The following ZDHHC17 variants were observed in gnomAD, a reference collection of about 807,000 sequenced individuals.
The protein encoded by ZDHHC17 is palmitoyltransferase ZDHHC17.
ZDHHC17 carries 40 observed loss-of-function variants against 90.3 expected under a neutral mutation model. That is an observed-to-expected ratio of 0.44 (90% CI 0.34 to 0.58). The LOEUF (loss-of-function observed/expected upper bound fraction) is 0.58. Ranked by LOEUF, ZDHHC17 falls within the 20% of genes least tolerant of loss-of-function variation. The pLI is 0.01. For missense variants in ZDHHC17, 614 were observed against 780.8 expected, an observed-to-expected ratio of 0.79 and a Z score of 2.55; for synonymous variants, 235 against 252.4, an observed-to-expected ratio of 0.93 and a Z score of 0.65.
At chr12:76,764,676 C>A in intron 1 of ZDHHC17, 1 of 513,014 alleles carries the variant, frequency 1.9e-6, no homozygotes, top group Non-Finnish European at 3.8e-6. Flanking sequence ...AGTCTTGCTC[C>A]AAGCCTCTTG....
intron 1 of ZDHHC17, among the ~76,000 whole-genome samples, chr12:76,777,301 G>A (rs1486387785): frequency 6.6e-6 from 1 of 152,126 alleles, no homozygotes; most frequent in East Asian, 1.9e-4. Flanking sequence ...TAACCTTATG[G>A]GATTGGCTTT....
intron 16 of ZDHHC17, 57 bp from the exon 17 acceptor site, chr12:76,850,790 A>G (rs573295369): frequency 6.4e-7 from 1 of 1,552,590 alleles, no homozygotes; most frequent in Non-Finnish European, 8.7e-7. Context: ...TATTGAATTC[A>G]TGTATTAAAT....
At chr12:76,847,023 T>A (rs1370250831) in intron 14 of ZDHHC17, among the ~76,000 whole-genome samples, 2 of 152,258 alleles carry the variant, frequency 1.3e-5, no homozygotes, top group African/African-American at 4.8e-5. Flanking sequence ...ATTGTCTTAG[T>A]TCTGTTTCTT....
chr12:76,773,452 TTCTGGGTGTATCAAA>T (rs1952519548), intron 1 of ZDHHC17, among the ~76,000 whole-genome samples: 1 of 152,226 alleles, frequency 6.6e-6, no homozygotes, highest in South Asian at 2.1e-4. Flanking sequence ...ATATTTTATT[TTCTGGGTGTATCAAA>T]TCCATTCACC....
chr12:76,791,142 G>T (rs1038410114), intron 1 of ZDHHC17, among the ~76,000 whole-genome samples: 21 of 152,292 alleles, frequency 1.4e-4, no homozygotes, highest in Middle Eastern at 6.8e-3. Flanking sequence ...CAGGTAGGTT[G>T]TAAGAGTCTG....
intron 8 of ZDHHC17, among the ~76,000 whole-genome samples, chr12:76,825,293 A>G (rs1953217317): frequency 6.6e-6 from 1 of 152,218 alleles, no homozygotes; most frequent in African/African-American, 2.4e-5. Context: ...TTATTCCAAA[A>G]TAAGAAGTTT....
Position 76,805,185 on chromosome 12 carries a change from A to G in ZDHHC17, c.198-132A>G, listed in dbSNP as rs1189103195. 1.8e-5 allele frequency: 16 copies of G among 868,860 alleles called. No homozygotes were observed. In the South Asian group the frequency reaches 2.2e-4, roughly 12 times the overall value. The allele number at this position is 868,860 out of a possible 1,614,324, so 53.8% of individuals were successfully genotyped here. On this transcript the variant is annotated intron_variant, in intron 2 of 16. Transcript: ENST00000426126. ...TTGGAATGTTGACATTTTAAAAGTA[A>G]TATTCTATGTTGAGAAATACATTTT...
chr12:76,850,813 C>T (rs1953557754), intron 16 of ZDHHC17, 34 bp from the exon 17 acceptor site: 3 of 1,606,414 alleles, frequency 1.9e-6, no homozygotes, highest in Non-Finnish European at 1.7e-6. Context: ...TTTGTACTGA[C>T]TGACGTGTTT....
intron 2 of ZDHHC17, among the ~76,000 whole-genome samples, chr12:76,798,608 G>C (rs934838838): frequency 6.6e-6 from 1 of 151,928 alleles, no homozygotes; most frequent in Non-Finnish European, 1.5e-5. Flanking sequence ...CTGCTATAAA[G>C]AAATACCTGA....
chr12:76,849,334 A>AAAAC, intron 15 of ZDHHC17, 42 bp from the exon 16 acceptor site: 1 of 1,102,482 alleles, frequency 9.1e-7, no homozygotes, highest in South Asian at 1.5e-5. Flanking sequence ...AAAAAAAAAA[A>AAAAC]AAAAAAACAA....
At chr12:76,802,290 A>G (rs1421187053) in intron 2 of ZDHHC17, among the ~76,000 whole-genome samples, 1 of 152,170 alleles carries the variant, frequency 6.6e-6, no homozygotes, top group Non-Finnish European at 1.5e-5. Context: ...CTGGCCTCCA[A>G]AGTTTCTGAT....
In ZDHHC17 at chr12:76,841,163, A is replaced by G. The variant is rs1047196600; in HGVS notation, c.1142-819A>G. 8 of 152,346 alleles carry G rather than the reference A, an allele frequency of 5.3e-5. No homozygotes were observed. The East Asian group carries it at 5.8e-4, about 11-fold the overall frequency. The allele number at this position is 152,346 out of a possible 1,614,324, so 9.4% of individuals were successfully genotyped here. ...TGTTTCTCCTGTATGTCAAGTGGCT[A>G]TTGAGTGTTCTGGTATTTTCCAAAC... On this transcript the variant is annotated intron_variant, in intron 10 of 16. Coordinates refer to ENST00000426126, the MANE Select transcript of ZDHHC17 (RefSeq NM_015336.4).
At chr12:76,845,541 T>G (rs1328097919) in intron 12 of ZDHHC17, 168 bp from the exon 13 acceptor site, 1 of 338,390 alleles carries the variant, frequency 3.0e-6, no homozygotes, top group Non-Finnish European at 5.3e-6. Context: ...AGTTGAAATT[T>G]TATTAAACAA....
chr12:76,824,588 A>G (rs965185213), intron 8 of ZDHHC17, among the ~76,000 whole-genome samples: 1 of 152,130 alleles, frequency 6.6e-6, no homozygotes, highest in African/African-American at 2.4e-5. Flanking sequence ...CTAAGACTCA[A>G]TAGTGTTTTA....
intron 1 of ZDHHC17, chr12:76,781,539 T>G (rs1470720212): frequency 2.3e-6 from 1 of 443,668 alleles, no homozygotes; most frequent in Non-Finnish European, 4.5e-6. Context: ...TACTCGAGAG[T>G]GGGTGGTTCT....
At chr12:76,843,368 C>G (rs891954397) in intron 12 of ZDHHC17, among the ~76,000 whole-genome samples, 1 of 151,898 alleles carries the variant, frequency 6.6e-6, no homozygotes, top group African/African-American at 2.4e-5. Flanking sequence ...ATGGGAAAAT[C>G]CATTAGATAA....
chr12:76,800,214 C>T (rs139503323), intron 2 of ZDHHC17, among the ~76,000 whole-genome samples: 55 of 152,292 alleles, frequency 3.6e-4, no homozygotes, highest in African/African-American at 1.3e-3. Flanking sequence ...TTTGTGTCTT[C>T]AGAATGTCGT....
intron 7 of ZDHHC17, among the ~76,000 whole-genome samples, chr12:76,821,730 C>T (rs1281605237): frequency 6.6e-6 from 1 of 152,022 alleles, no homozygotes; most frequent in African/African-American, 2.4e-5. Flanking sequence ...GAAGCATAGA[C>T]CTAAAATTGG....
At chr12:76,831,275 C>A (rs1953297247) in intron 10 of ZDHHC17, among the ~76,000 whole-genome samples, 1 of 152,074 alleles carries the variant, frequency 6.6e-6, no homozygotes, top group African/African-American at 2.4e-5. Flanking sequence ...AAGTTTATAG[C>A]CAAATTGATT....
Sources: allele counts gnomAD v4.1 joint callset (sites outside exome capture counted in the v4.1 genomes callset), GRCh38; gene constraint gnomAD v4.1.1; transcripts MANE v1.5; gene names NCBI Gene and HGNC (gene_info 2026-07-23, HGNC 2026-07-21).